The following PRKACA variants were observed in gnomAD, a reference collection of about 807,000 sequenced individuals.
PRKACA encodes the protein cAMP-dependent protein kinase catalytic subunit alpha.
A neutral mutation model predicts 45.8 loss-of-function variants in PRKACA; 9 were observed. The observed-to-expected ratio is 0.20, with a 90% CI of 0.12 to 0.34. The LOEUF (loss-of-function observed/expected upper bound fraction) is 0.34. PRKACA is among the 10% of genes least tolerant of loss of function. The probability of loss-of-function intolerance (pLI) is 1.00; values close to 1 mark genes in which losing one functional copy is unlikely to be tolerated. For missense variants in PRKACA, 238 were observed against 458.6 expected, an observed-to-expected ratio of 0.52 and a Z score of 4.39; for synonymous variants, 160 against 178.6, an observed-to-expected ratio of 0.90 and a Z score of 0.83.
intron 1 of PRKACA, among the ~76,000 whole-genome samples, chr19:14,116,571 G>A (rs932630578): frequency 2.0e-5 from 3 of 152,072 alleles, no homozygotes; most frequent in African/African-American, 7.2e-5. Context: ...GGTGAATGAC[G>A]GAGCCTCAGT....
chr19:14,102,867 G>A lies in PRKACA; in HGVS notation c.285C>T (p.Ile95=), dbSNP rs1977486255. Residue 95 remains isoleucine, a synonymous_variant, in exon 4 of 10, where the codon ATC becomes ATT. Transcript: ENST00000308677. ...GGAACGGAAAGTTGACAGCTTGCAG[G>A]ATGCGCTTTTCATTCAGGGTGTGTT... ...QIEHTLNEKR[I]LQAVNFPFLV... 1.2e-6 allele frequency: 2 copies of A among 1,614,114 alleles called. No individual in the cohort carries two copies. The highest frequency in any genetic ancestry group is 1.7e-5 in the Admixed American group (1 of 59,996).
chr19:14,099,472 C>G (rs1200712067), intron 5 of PRKACA, among the ~76,000 whole-genome samples: 7 of 150,992 alleles, frequency 4.6e-5, no homozygotes, highest in Non-Finnish European at 8.8e-5. Flanking sequence ...GTTGAACCAG[C>G]CTTGCATCCT....
chr19:14,093,604 C>A, intron 9 of PRKACA, 24 bp downstream of exon 9: 1 of 1,604,508 alleles, frequency 6.2e-7, no homozygotes, highest in African/African-American at 1.3e-5. Context: ...AAACCCTCAG[C>A]AGGCTTAAGG....
At chr19:14,100,463 C>T (rs572157305) in intron 5 of PRKACA, among the ~76,000 whole-genome samples, 2 of 152,016 alleles carry the variant, frequency 1.3e-5, no homozygotes, top group Non-Finnish European at 2.9e-5. Flanking sequence ...ATGCCCAGCT[C>T]AGTTTTGTAT....
chr19:14,096,739 C>G (rs1414355414), intron 8 of PRKACA: 1 of 170,564 alleles, frequency 5.9e-6, no homozygotes, highest in Non-Finnish European at 1.3e-5. Context: ...GTGATCTTGG[C>G]CAAGACACAT....
chr19:14,093,754 G>A lies in PRKACA; in HGVS notation c.804C>T (p.Asp268=). ...CTACCTGCAGGAGGTTCCGCAGCAG[G>A]TCCTTCAAGTCAGAGCTGAAGTGGG... ...FPSHFSSDLK[D]LLRNLLQVDL... is the part of the protein sequence containing the mutation. Residue 268 remains aspartate (D), a synonymous_variant, in exon 9 of 10, where the codon GAC becomes GAT. Transcript: ENST00000308677. 6.2e-7 allele frequency: 1 copy of A among 1,614,016 alleles called. No individual in the cohort carries two copies.
At chr19:14,107,634 T>C (rs1353319743) in intron 1 of PRKACA, 2 of 1,337,880 alleles carry the variant, frequency 1.5e-6, no homozygotes, top group East Asian at 5.6e-5. Context: ...GTACAGAGAG[T>C]CTCAGGGGTC....
chr19:14,100,759 G>T (rs1977418094), intron 5 of PRKACA, 67 bp downstream of exon 5: 2 of 1,490,962 alleles, frequency 1.3e-6, no homozygotes, highest in African/African-American at 1.4e-5. Flanking sequence ...TTCCCAGGGG[G>T]CTTGGTCGTG....
intron 1 of PRKACA, chr19:14,114,167 G>C: frequency 1.2e-6 from 2 of 1,610,812 alleles, no homozygotes; most frequent in Non-Finnish European, 1.7e-6. Flanking sequence ...ACTCAGTCCT[G>C]TTCTCAGGGC....
chr19:14,093,588 G>A, intron 9 of PRKACA, 40 bp downstream of exon 9: 4 of 1,592,454 alleles, frequency 2.5e-6, no homozygotes, highest in Non-Finnish European at 3.4e-6. Context: ...CTCTTGGCCT[G>A]CTCCCAAACC....
rs988992900 is a variant in PRKACA at position 14,097,836 on chromosome 19, C to T, written c.474G>A (p.Leu158=). 6.2e-7 allele frequency: 1 copy of T among 1,614,028 alleles called. No individual in the cohort carries two copies. The highest frequency in any genetic ancestry group is 1.3e-5 in the African/African-American group (1 of 74,900). Reference sequence around the variant, plus strand: ...CCCTGTAGATGAGATCCAGCGAGTGCAGATACTCAAAGGTCAGGACGATCT... The same window carrying T: ...CCCTGTAGATGAGATCCAGCGAGTGTAGATACTCAAAGGTCAGGACGATCT... The part of the protein sequence containing the change: ...AAQIVLTFEY[L]HSLDLIYRDL... The change falls in exon 6 of 10, where the codon CTG becomes CTA. Residue 158 remains leucine, a synonymous_variant. Coordinates refer to ENST00000308677, the MANE Select transcript of PRKACA (RefSeq NM_002730.4). This position sits in a 1 kb window ranked among gnomAD's most constrained non-coding sequence, Gnocchi z 5.4.
chr19:14,104,895 A>G (rs905454159), intron 3 of PRKACA, among the ~76,000 whole-genome samples: 4 of 151,976 alleles, frequency 2.6e-5, no homozygotes, highest in African/African-American at 9.7e-5. Flanking sequence ...AAAACAAAAC[A>G]AAACAAAAAT....
At chr19:14,102,358 A>G (rs775825675) in intron 4 of PRKACA, among the ~76,000 whole-genome samples, 7 of 152,146 alleles carry the variant, frequency 4.6e-5, no homozygotes, top group Non-Finnish European at 1.0e-4. Flanking sequence ...AGGGCGCTCA[A>G]GACGTGCCTG....
chr19:14,111,384 T>G (rs1599349733), intron 1 of PRKACA, among the ~76,000 whole-genome samples: 1 of 143,168 alleles, frequency 7.0e-6, no homozygotes, highest in African/African-American at 2.6e-5. Context: ...ACAACAAGAG[T>G]GAAACTCTGT....
intron 1 of PRKACA, chr19:14,112,166 A>C (rs1966983045): frequency 6.6e-6 from 1 of 152,336 alleles, no homozygotes; most frequent in Non-Finnish European, 1.5e-5. Context: ...TGCCAGGAGG[A>C]GCAGGCAGAG....
chr19:14,094,115 T>C (rs1977175218), intron 8 of PRKACA, among the ~76,000 whole-genome samples: 1 of 148,426 alleles, frequency 6.7e-6, no homozygotes, highest in African/African-American at 2.5e-5. Context: ...CCTCCTGCTT[T>C]GGCCTCCCAA....
At chr19:14,107,033 C>A in intron 2 of PRKACA, 145 bp from the exon 3 acceptor site, 1 of 1,095,708 alleles carries the variant, frequency 9.1e-7, no homozygotes, top group Non-Finnish European at 1.3e-6. Context: ...GGCGGAAAAT[C>A]AAGATGGCAG....
chr19:14,100,448 C>A (rs1025788220), intron 5 of PRKACA, among the ~76,000 whole-genome samples: 3 of 152,086 alleles, frequency 2.0e-5, no homozygotes, highest in Admixed American at 2.0e-4. Context: ...CAGGTGCCCA[C>A]CACCATGCCC....
intron 1 of PRKACA, among the ~76,000 whole-genome samples, chr19:14,116,423 G>A (rs1159098972): frequency 6.6e-6 from 1 of 152,088 alleles, no homozygotes; most frequent in Non-Finnish European, 1.5e-5. Flanking sequence ...ATCACTAGAC[G>A]TCACCCATTA....
Sources: allele counts gnomAD v4.1 joint callset (sites outside exome capture counted in the v4.1 genomes callset), GRCh38; gene constraint gnomAD v4.1.1; non-coding constraint Gnocchi (gnomAD v3.1); transcripts MANE v1.5; gene names NCBI Gene and HGNC (gene_info 2026-07-23, HGNC 2026-07-21).